RASGEF1A: variants seen among roughly 807,000 people sequenced by gnomAD.
RASGEF1A encodes ras-GEF domain-containing family member 1A.
Under a neutral mutation model 56.4 loss-of-function variants are expected in RASGEF1A, and 18 were observed. That is an observed-to-expected ratio of 0.32 (90% CI 0.22 to 0.47). The LOEUF is 0.47. Among genes scored for constraint, RASGEF1A ranks in the 20% least tolerant of loss-of-function variants. The probability of loss-of-function intolerance (pLI) is 1.00; values close to 1 mark genes in which losing one functional copy is unlikely to be tolerated. For synonymous variants in RASGEF1A, 245 were observed against 242.6 expected, an observed-to-expected ratio of 1.01 and a Z score of -0.09; for missense variants, 422 against 627.1, an observed-to-expected ratio of 0.67 and a Z score of 3.49.
At chr10:43,248,714 T>C (rs1840594176) in intron 1 of RASGEF1A, among the ~76,000 whole-genome samples, 1 of 152,228 alleles carries the variant, frequency 6.6e-6, no homozygotes, top group Non-Finnish European at 1.5e-5. Flanking sequence ...TAGATTTTTT[T>C]CTTATTCATT....
intron 1 of RASGEF1A, among the ~76,000 whole-genome samples, chr10:43,227,664 A>T (rs144579740): frequency 1.3e-5 from 2 of 152,236 alleles, no homozygotes; most frequent in Non-Finnish European, 2.9e-5. Flanking sequence ...GGAGCAAGCC[A>T]GGCTCTGCAT....
intron 1 of RASGEF1A, among the ~76,000 whole-genome samples, chr10:43,246,726 GA>G (rs1169623117): frequency 6.6e-6 from 1 of 152,100 alleles, no homozygotes; most frequent in Admixed American, 6.5e-5. Flanking sequence ...TCAAACAAAG[GA>G]ACACATTTGG....
chr10:43,196,629 C>T lies in RASGEF1A; in HGVS notation c.1349-81G>A, dbSNP rs902274263. On this transcript the variant is annotated intron_variant, in intron 11 of 12. Coordinates refer to ENST00000395810, the MANE Select transcript of RASGEF1A (RefSeq NM_145313.4). The surrounding 1 kb of genome is among the most constrained non-coding windows in gnomAD (Gnocchi z 4.6). ...CCCAGCTGTCCCTTCAGGAGTACAG[C>T]CCAGCACAAGGGGACAGTGACCTCT... 7.6e-7 allele frequency: 1 copy of T among 1,313,176 alleles called. No homozygotes were observed. Among genetic ancestry groups the T allele is most frequent in the African/African-American group, 1.4e-5 (1 of 69,084 alleles). The allele number at this position is 1,313,176 out of a possible 1,614,324, so 81.3% of individuals were successfully genotyped here. A position where few individuals can be genotyped will look rare whatever the true frequency, so the allele number is the denominator to read the frequency against.
chr10:43,262,516 G>A (rs1349725636), intron 1 of RASGEF1A, among the ~76,000 whole-genome samples: 2 of 152,202 alleles, frequency 1.3e-5, no homozygotes, highest in African/African-American at 4.8e-5. Context: ...GCCCAGGCCA[G>A]GCACCTCTGC....
intron 1 of RASGEF1A, among the ~76,000 whole-genome samples, chr10:43,235,840 C>T (rs1840424953): frequency 7.1e-6 from 1 of 140,894 alleles, no homozygotes; most frequent in South Asian, 2.4e-4. Context: ...AGGGAGGAGG[C>T]TGCAGCCACA....
intron 1 of RASGEF1A, among the ~76,000 whole-genome samples, chr10:43,258,274 A>C (rs1218108095): frequency 6.6e-6 from 1 of 152,116 alleles, no homozygotes; most frequent in Admixed American, 6.5e-5. Context: ...TCTCATCTTG[A>C]GGTGAGGGAT....
At chr10:43,207,055 AGTGCCC>A in intron 1 of RASGEF1A, 2 of 985,510 alleles carry the variant, frequency 2.0e-6, no homozygotes, top group Non-Finnish European at 2.4e-6. Flanking sequence ...CTGTTTCCCC[AGTGCCC>A]CAGACAGCCA....
rs2133178474 is a variant in RASGEF1A, at chr10:43,198,990, C to T, written c.975G>A (p.Val325=). ...TGGACCAAGTTTTCTTCAGCCTTGC[C>T]ACAGGACTGAGGTTCATGCCAGCTG... The part of the protein sequence containing the change: ...AIISGMNLSP[V]ARLKKTWSKV... Residue 325 remains valine (V), a synonymous_variant, in exon 9 of 13, where the codon GTG becomes GTA. Coordinates refer to ENST00000395810, the MANE Select transcript of RASGEF1A (RefSeq NM_145313.4). 1 of 1,613,374 alleles carries T rather than the reference C, an allele frequency of 6.2e-7. No homozygotes were observed. Among genetic ancestry groups the T allele is most frequent in the African/African-American group, 1.3e-5 (1 of 74,942 alleles).
chr10:43,263,795 T>C (rs1012317072), intron 1 of RASGEF1A, among the ~76,000 whole-genome samples: 3 of 152,186 alleles, frequency 2.0e-5, no homozygotes, highest in Non-Finnish European at 2.9e-5. Context: ...ACCCATGTGC[T>C]TCCTGGGAGG....
chr10:43,255,581 C>T (rs754728627), intron 1 of RASGEF1A, among the ~76,000 whole-genome samples: 4 of 152,252 alleles, frequency 2.6e-5, no homozygotes, highest in African/African-American at 4.8e-5. Flanking sequence ...GTACCCTCTG[C>T]AGCCACCACT....
chr10:43,243,300 G>C (rs11238485), intron 1 of RASGEF1A, among the ~76,000 whole-genome samples: 2 of 148,330 alleles, frequency 1.3e-5, no homozygotes, highest in South Asian at 2.1e-4. Context: ...CTTCCTGGCC[G>C]CCCCGTCTGG....
At chr10:43,229,930 G>A (rs1353581834) in intron 1 of RASGEF1A, among the ~76,000 whole-genome samples, 1 of 151,982 alleles carries the variant, frequency 6.6e-6, no homozygotes, top group African/African-American at 2.4e-5. Flanking sequence ...ACCCGGGGCG[G>A]CCTGGAGCGC....
intron 1 of RASGEF1A, chr10:43,207,855 A>T: frequency 2.0e-6 from 1 of 512,446 alleles, no homozygotes; most frequent in Non-Finnish European, 2.5e-6. Context: ...CAGATGGTGA[A>T]ACTGAGGCCC....
Position 43,203,281 on chromosome 10 carries a change from G to T in RASGEF1A, c.321+17C>A. 1.3e-6 allele frequency: 2 copies of T among 1,546,004 alleles called. No individual in the cohort carries two copies. The highest frequency in any genetic ancestry group is 1.7e-6 in the Non-Finnish European group (2 of 1,145,522). On this transcript the variant is annotated intron_variant, in intron 3 of 12. Transcript: ENST00000395810. ...GCCCCCTGCCCCCGCCCGTGCCCCA[G>T]CCAGGCCCCGCCTCACCTTTTCAGG...
At chr10:43,266,656 C>T (rs1031167673) in intron 1 of RASGEF1A, among the ~76,000 whole-genome samples, 189 bp downstream of exon 1, 1 of 147,476 alleles carries the variant, frequency 6.8e-6, no homozygotes, top group African/African-American at 2.4e-5. Flanking sequence ...GCGCCGGGAT[C>T]CCGGCCGCCC....
intron 1 of RASGEF1A, among the ~76,000 whole-genome samples, chr10:43,245,394 A>C (rs75189043): frequency 0.013 from 1,973 of 152,338 alleles, 48 homozygotes; most frequent in African/African-American, 0.045. Context: ...CCTTCAAAAA[A>C]TAGAATACAA....
intron 1 of RASGEF1A, among the ~76,000 whole-genome samples, chr10:43,222,655 T>C (rs867133399): frequency 3.9e-5 from 6 of 152,364 alleles, no homozygotes; most frequent in Middle Eastern, 3.4e-3. Context: ...CTGTGACCAC[T>C]GTAAAAACCT....
Position 43,203,287 on chromosome 10 carries a change from C to T in RASGEF1A, c.321+11G>A, listed in dbSNP as rs1329943700. 7.1e-6 allele frequency: 11 copies of T among 1,550,278 alleles called. No homozygotes were observed. The highest frequency in any genetic ancestry group is 5.8e-5 in the Admixed American group (3 of 51,308). ...TGCCCCCGCCCGTGCCCCAGCCAGG[C>T]CCCGCCTCACCTTTTCAGGCCCGGC... is the stretch of plus-strand genomic sequence containing the variant. On this transcript the variant is annotated intron_variant, in intron 3 of 12. Transcript: ENST00000395810.
intron 1 of RASGEF1A, among the ~76,000 whole-genome samples, chr10:43,265,715 C>T (rs565376785): frequency 4.6e-5 from 7 of 152,366 alleles, no homozygotes; most frequent in Admixed American, 3.3e-4. Context: ...GCCCGTGGTT[C>T]ACGAATCAAG....
Sources: allele counts gnomAD v4.1 joint callset (sites outside exome capture counted in the v4.1 genomes callset), GRCh38; gene constraint gnomAD v4.1.1; non-coding constraint Gnocchi (gnomAD v3.1); transcripts MANE v1.5; gene names NCBI Gene and HGNC (gene_info 2026-07-23, HGNC 2026-07-21).